The following GRID1 variants were observed in gnomAD, a reference collection of about 807,000 sequenced individuals.
GRID1 encodes the protein glutamate ionotropic receptor delta type subunit 1, also known as glutamate receptor ionotropic, delta-1.
In GRID1, 28 loss-of-function variants were observed where a neutral mutation model predicts 98.0. That is an observed-to-expected ratio of 0.29 (90% CI 0.21 to 0.39). GRID1 has a LOEUF of 0.39. GRID1 is among the 10% of genes least tolerant of loss of function. The probability of loss-of-function intolerance (pLI) is 1.00; values close to 1 mark genes in which losing one functional copy is unlikely to be tolerated. For missense variants in GRID1, 1,111 were observed against 1,340.5 expected (o/e 0.83, Z 2.67); for synonymous variants, 553 against 538.5 (o/e 1.03, Z -0.37).
At chr10:86,257,764 CAG>C in intron 2 of GRID1, among the ~76,000 whole-genome samples, 1 of 152,256 alleles carries the variant, frequency 6.6e-6, no homozygotes, top group Middle Eastern at 3.4e-3. Context: ...CTGAGAAACA[CAG>C]AGAGGGCCTG....
At position 86,065,108 on chromosome 10, in the gene GRID1, G is replaced by A. The variant is rs767677161; in HGVS notation, c.726+73711C>T. Among the ~76,000 whole-genome samples the A allele has an allele frequency of 1.2e-4, 18 of 152,224 alleles. 1 individual carries two copies. The highest frequency in any genetic ancestry group is 2.1e-4 in the South Asian group (1 of 4,826). On this transcript the variant is annotated intron_variant, in intron 4 of 15. Coordinates refer to ENST00000327946, the MANE Select transcript of GRID1 (RefSeq NM_017551.3). The stretch of plus-strand genomic sequence containing the variant: ...GAGCACCCCACTAGGGCCACCACCC[G>A]GCCTCCCTCACTGGCCTCCATAGAC...
chr10:85,924,930 C>G (rs1841754468), intron 4 of GRID1, among the ~76,000 whole-genome samples: 1 of 152,150 alleles, frequency 6.6e-6, no homozygotes, highest in Non-Finnish European at 1.5e-5. Flanking sequence ...TTTGTGGATC[C>G]TTCAGATGAA....
intron 4 of GRID1, among the ~76,000 whole-genome samples, chr10:85,949,905 GGGATGGATGGAT>G (rs35077466): frequency 1.2e-4 from 18 of 149,862 alleles, no homozygotes; most frequent in South Asian, 2.1e-4. Context: ...GAGAACTATA[GGGATGGATGGAT>G]GGATGGATGG....
At chr10:86,106,488 T>G (rs983745933) in intron 4 of GRID1, among the ~76,000 whole-genome samples, 2 of 151,260 alleles carry the variant, frequency 1.3e-5, no homozygotes, top group Non-Finnish European at 3.0e-5. Context: ...GGGGCCTGCT[T>G]CAGGTGTGGG....
intron 3 of GRID1, among the ~76,000 whole-genome samples, chr10:86,178,307 C>T (rs549772705): frequency 1.3e-5 from 2 of 152,238 alleles, no homozygotes; most frequent in African/African-American, 4.8e-5. Flanking sequence ...TTCTTTTGGA[C>T]ACAGCCCCAA....
chr10:85,895,016 A>AAT (rs67350023), intron 5 of GRID1, among the ~76,000 whole-genome samples: 2,313 of 96,962 alleles, frequency 0.024, 95 homozygotes, highest in African/African-American at 0.079. Flanking sequence ...AAAAAAAAAA[A>AAT]ATATATATAT....
At chr10:85,698,829 G>A (rs1298759147) in intron 12 of GRID1, among the ~76,000 whole-genome samples, 1 of 152,162 alleles carries the variant, frequency 6.6e-6, no homozygotes, top group African/African-American at 2.4e-5. Context: ...TGGCGTCTTG[G>A]ATTGTGGCCA....
At chr10:86,246,803 C>T (rs752997337) in intron 2 of GRID1, among the ~76,000 whole-genome samples, 19 of 152,242 alleles carry the variant, frequency 1.2e-4, no homozygotes, top group Non-Finnish European at 4.4e-5. Flanking sequence ...ACCCCCTACA[C>T]AGGGCCTCCC....
chr10:86,322,909 T>C (rs1847990779), intron 2 of GRID1, among the ~76,000 whole-genome samples: 1 of 148,602 alleles, frequency 6.7e-6, no homozygotes, highest in Non-Finnish European at 1.5e-5. Flanking sequence ...CTGACCAACA[T>C]GGTGAAACCC....
At chr10:85,635,922 G>C (rs1369971397) in intron 13 of GRID1, among the ~76,000 whole-genome samples, 1 of 152,216 alleles carries the variant, frequency 6.6e-6, no homozygotes. Context: ...GACTGTCACG[G>C]GGTAACGACA....
chr10:85,763,933 G>A (rs1451189430), intron 8 of GRID1, among the ~76,000 whole-genome samples: 1 of 152,106 alleles, frequency 6.6e-6, no homozygotes, highest in Non-Finnish European at 1.5e-5. Context: ...AAAAAATCCA[G>A]CAAAGTCTCT....
chr10:86,329,252 A>G (rs1848102816), intron 2 of GRID1, among the ~76,000 whole-genome samples: 1 of 152,306 alleles, frequency 6.6e-6, no homozygotes, highest in Non-Finnish European at 1.5e-5. Flanking sequence ...TGCCTGCTGC[A>G]GGGTCCACAA....
intron 3 of GRID1, among the ~76,000 whole-genome samples, chr10:86,173,911 T>A (rs1247396202): frequency 2.0e-5 from 3 of 150,510 alleles, no homozygotes; most frequent in Non-Finnish European, 3.0e-5. Flanking sequence ...GAACTCATCA[T>A]TTTTTTTTGG....
intron 3 of GRID1, among the ~76,000 whole-genome samples, chr10:86,140,786 A>G (rs1007239904): frequency 7.2e-5 from 11 of 152,206 alleles, no homozygotes; most frequent in African/African-American, 2.4e-4. Flanking sequence ...GGTGAAAATC[A>G]CCAACTACCA....
intron 4 of GRID1, among the ~76,000 whole-genome samples, chr10:86,126,963 G>A (rs374918590): frequency 1.1e-4 from 16 of 152,198 alleles, no homozygotes; most frequent in South Asian, 2.1e-4. Context: ...TGGCTGTCAC[G>A]CCAAAGGGTG....
intron 2 of GRID1, among the ~76,000 whole-genome samples, chr10:86,343,746 G>A (rs2132111704): frequency 6.6e-6 from 1 of 152,324 alleles, no homozygotes. Context: ...GTGAACCATG[G>A]CACCCTGTGT....
chr10:85,798,703 A>AT (rs200103129), intron 8 of GRID1, among the ~76,000 whole-genome samples: 55 of 151,282 alleles, frequency 3.6e-4, no homozygotes, highest in South Asian at 1.0e-3. Flanking sequence ...TTTAAATCAG[A>AT]TTTTTTTTTG....
chr10:85,652,912 C>A (rs974023155), intron 12 of GRID1, among the ~76,000 whole-genome samples: 11 of 152,126 alleles, frequency 7.2e-5, no homozygotes, highest in African/African-American at 2.7e-4. Context: ...AAGAATGGCA[C>A]AAAGTTCCTA....
intron 12 of GRID1, among the ~76,000 whole-genome samples, chr10:85,668,039 G>A (rs1027261851): frequency 2.6e-5 from 4 of 152,158 alleles, no homozygotes; most frequent in African/African-American, 7.2e-5. Context: ...GAAAATCCCC[G>A]GCTAACCTGC....
Sources: allele counts gnomAD v4.1 joint callset (sites outside exome capture counted in the v4.1 genomes callset), GRCh38; gene constraint gnomAD v4.1.1; transcripts MANE v1.5; gene names NCBI Gene and HGNC (gene_info 2026-07-23, HGNC 2026-07-21).